INO80E: variants seen among roughly 807,000 people sequenced by gnomAD.
INO80E encodes INO80 complex subunit E, also known as coiled-coil domain containing 95.
In INO80E, 20 loss-of-function variants were observed where a neutral mutation model predicts 27.3. The observed-to-expected ratio is 0.73, with a 90% CI of 0.51 to 1.06. The LOEUF (loss-of-function observed/expected upper bound fraction) is 1.06. Ranked by LOEUF, INO80E falls within the 50% of genes least tolerant of loss-of-function variation. The pLI, the probability that INO80E is intolerant of heterozygous loss-of-function variation, is 0.00. For synonymous variants in INO80E, 167 were observed against 145.9 expected, an observed-to-expected ratio of 1.14 and a Z score of -1.04; for missense variants, 357 against 322.8, an observed-to-expected ratio of 1.11 and a Z score of -0.81.
At chr16:29,996,998 C>T (rs2070148199) in intron 3 of INO80E, 138 bp downstream of exon 3, 1 of 782,706 alleles carries the variant, frequency 1.3e-6, no homozygotes, top group African/African-American at 1.7e-5. Context: ...CTTCCACCTC[C>T]ACCGTTCTTT....
At chr16:30,000,633 G>A in intron 3 of INO80E, 125 bp from the exon 4 acceptor site, 2 of 725,830 alleles carry the variant, frequency 2.8e-6, no homozygotes, top group South Asian at 3.5e-5. Context: ...TCACAGTGCT[G>A]GGATTCCAGG....
chr16:30,001,519 C>A lies in INO80E; in HGVS notation c.502C>A (p.Arg168=). ...GCGGGAGAAACGGCCCCGCCTGCCC[C>A]GGAAACTCAAGGTACCCTGACGTGG... is the stretch of plus-strand genomic sequence containing the variant. ...PKREKRPRLP[R]KLKMAVGPPD... is the part of the protein sequence containing the mutation. The change falls in exon 6 of 7, where the codon CGG becomes AGG. Residue 168 remains arginine, a synonymous_variant. Transcript: ENST00000563197. 1 of 1,612,588 alleles carries A rather than the reference C, an allele frequency of 6.2e-7. No individual in the cohort carries two copies.
intron 6 of INO80E, 143 bp downstream of exon 6, chr16:30,001,673 A>C: frequency 1.3e-6 from 1 of 750,994 alleles, no homozygotes; most frequent in Admixed American, 2.9e-5. Flanking sequence ...GGGGTGGATC[A>C]CAGAAGTCTC....
chr16:30,001,086 G>C (rs771759413), intron 5 of INO80E, 46 bp downstream of exon 5: 3 of 1,502,544 alleles, frequency 2.0e-6, no homozygotes, highest in Non-Finnish European at 2.7e-6. Flanking sequence ...TAAGGTGGGC[G>C]TCATTTGGGC....
At position 29,996,796 on chromosome 16, in the gene INO80E, C is replaced by T. The variant is rs112386063; in HGVS notation, c.153-12C>T. The T allele has an allele frequency of 1.3e-3, 2,048 of 1,613,794 alleles. 26 individuals carry two copies. The African/African-American group carries it at 0.021, about 17-fold the overall frequency. On this transcript the variant is annotated splice_polypyrimidine_tract_variant and intron_variant, in intron 2 of 6. Coordinates refer to ENST00000563197, the MANE Select transcript of INO80E (RefSeq NM_173618.3). ...GGAAAATCACTGTCCGTGTCTCCTT[C>T]CCTCCCCTCAGTTTCCTCCTAGACC...
chr16:29,997,603 A>G (rs907980306), intron 3 of INO80E, among the ~76,000 whole-genome samples: 7 of 151,986 alleles, frequency 4.6e-5, no homozygotes, highest in African/African-American at 1.7e-4. Flanking sequence ...AAGATACAAA[A>G]ATTAGTCGGG....
rs749965250 is a variant in INO80E at position 29,996,388 on chromosome 16, C to T, written c.78C>T (p.Ile26=). ...RNLKRKLKFL[I]YEHECFQEEL... is the part of the protein sequence containing the mutation. Reference sequence around the variant, plus strand: ...TGAAGCGGAAGCTCAAGTTCCTCATCTACGTGAGTGCTGCCGCGGGAAGGC... The same window carrying T: ...TGAAGCGGAAGCTCAAGTTCCTCATTTACGTGAGTGCTGCCGCGGGAAGGC... The change falls in exon 1 of 7, where the codon ATC becomes ATT. Residue 26 remains isoleucine, a synonymous_variant. Coordinates refer to ENST00000563197, the MANE Select transcript of INO80E (RefSeq NM_173618.3). The T allele has an allele frequency of 7.6e-6, 12 of 1,588,938 alleles. No homozygotes were observed. The highest frequency in any genetic ancestry group is 2.3e-5 in the East Asian group (1 of 43,784).
Position 30,000,214 on chromosome 16 carries a change from A to C in INO80E, c.206-544A>C, listed in dbSNP as rs80121955. Among the ~76,000 whole-genome samples, 432 of 152,094 alleles carry C rather than the reference A, an allele frequency of 2.8e-3. 6 individuals carry two copies. In the East Asian group the frequency reaches 0.042, roughly 15 times the overall value. ...TGGGAAAGAGCCTGGCACCCTGGCC[A>C]TGCGTGGCAGGTGTGTTACGGAGGA... On this transcript the variant is annotated intron_variant, in intron 3 of 6. Transcript: ENST00000563197.
intron 6 of INO80E, 44 bp downstream of exon 6, chr16:30,001,574 G>A (rs1390468018): frequency 2.5e-6 from 4 of 1,573,408 alleles, no homozygotes; most frequent in African/African-American, 1.3e-5. Flanking sequence ...GACGGCAGGA[G>A]GACAGTCACC....
chr16:29,997,005 CT>C, intron 3 of INO80E, 145 bp downstream of exon 3: 1 of 754,890 alleles, frequency 1.3e-6, no homozygotes, highest in Non-Finnish European at 2.3e-6. Context: ...CTCCACCGTT[CT>C]TTCATTCAGG....
At chr16:29,996,766 G>A (rs781713457) in intron 2 of INO80E, 42 bp from the exon 3 acceptor site, 6 of 1,610,068 alleles carry the variant, frequency 3.7e-6, no homozygotes, top group Non-Finnish European at 5.1e-6. Flanking sequence ...GGACATTGCT[G>A]CGCTGGAAAA....
At chr16:30,000,566 G>C (rs907365685) in intron 3 of INO80E, among the ~76,000 whole-genome samples, 192 bp from the exon 4 acceptor site, 1 of 152,148 alleles carries the variant, frequency 6.6e-6, no homozygotes, top group Non-Finnish European at 1.5e-5. Flanking sequence ...GGTCTTGCTA[G>C]GTTGTCCAGG....
At chr16:30,004,813 G>A (rs996511609) in intron 6 of INO80E, among the ~76,000 whole-genome samples, 6 of 152,170 alleles carry the variant, frequency 3.9e-5, no homozygotes, top group East Asian at 1.9e-4. Flanking sequence ...AGTGAGTGCC[G>A]CAGAAGAGGG....
chr16:30,000,971 CCT>C lies in INO80E; in HGVS notation c.331_332del (p.Ser111ProfsTer33). On this transcript the variant is annotated frameshift_variant, in exon 5 of 7. Transcript: ENST00000563197. LOFTEE classifies it high-confidence loss of function. ...TGGGGGGCGCCCCCTCTCCCTCCAG[CCT>C]CTCCCTGCCTCCTTCAACAGGGTTT... is the stretch of plus-strand genomic sequence containing the variant. ...PLGGAPSPSS[L>X]SLPPSTGFPL... 1 of 1,566,272 alleles carries C rather than the reference CCT, an allele frequency of 6.4e-7. No individual in the cohort carries two copies. Among genetic ancestry groups the C allele is most frequent in the South Asian group, 1.2e-5 (1 of 84,686 alleles).
Position 29,998,811 on chromosome 16 carries a change from C to T in INO80E, c.206-1947C>T, listed in dbSNP as rs192335908. On this transcript the variant is annotated intron_variant, in intron 3 of 6. Transcript: ENST00000563197. ...TTGTAATCCCAGCACTTTGGGAGGC[C>T]GAGGCAGGCAGATCACGAGGTCAGG... Among the ~76,000 whole-genome samples, 526 of 152,200 alleles carry T rather than the reference C, an allele frequency of 3.5e-3. 3 individuals are homozygous for T. The highest frequency in any genetic ancestry group is 4.7e-3 in the Non-Finnish European group (321 of 68,022).
At chr16:29,997,966 C>T (rs2070199129) in intron 3 of INO80E, among the ~76,000 whole-genome samples, 1 of 151,832 alleles carries the variant, frequency 6.6e-6, no homozygotes, top group Non-Finnish European at 1.5e-5. Flanking sequence ...CATGTGGTCC[C>T]AGCTACTTGG....
At chr16:30,001,840 A>G (rs1424876753) in intron 6 of INO80E, 2 of 366,646 alleles carry the variant, frequency 5.5e-6, no homozygotes, top group African/African-American at 4.1e-5. Flanking sequence ...GTAGCCCCAG[A>G]CCGGGTCAGG....
rs772470686 is a variant in INO80E, at chr16:30,001,409, C to G, written c.397-5C>G. 1 of 1,585,610 alleles carries G rather than the reference C, an allele frequency of 6.3e-7. No homozygotes were observed. ...TCCCATCTCCATCCCCGCTCCCGCC[C>G]GCAGCTGGCCTCCTCCCGCTACCCC... On this transcript the variant is annotated splice_region_variant and splice_polypyrimidine_tract_variant and intron_variant, in intron 5 of 6. Transcript: ENST00000563197.
At chr16:30,002,837 A>C (rs1300402785) in intron 6 of INO80E, 1 of 152,398 alleles carries the variant, frequency 6.6e-6, no homozygotes, top group African/African-American at 2.4e-5. Flanking sequence ...GCTGAGGGGC[A>C]GAGCGGAGTG....
Sources: gnomAD v4.1 joint callset for allele counts (sites outside exome capture counted in the v4.1 genomes callset) on GRCh38, gnomAD v4.1.1 for gene constraint, MANE v1.5 for transcripts, NCBI Gene and HGNC (gene_info 2026-07-23, HGNC 2026-07-21) for gene names.